The following KCNG2 variants were observed in gnomAD, a reference collection of about 807,000 sequenced individuals.
The protein encoded by KCNG2 is potassium voltage-gated channel modifier subfamily G member 2.
KCNG2 carries 7 observed loss-of-function variants against 12.3 expected under a neutral mutation model. The ratio of observed to expected loss-of-function variants is 0.57; its 90% CI spans 0.32 to 1.07. The LOEUF is 1.07. Ranked by LOEUF, KCNG2 falls within the 50% of genes least tolerant of loss-of-function variation. KCNG2 has a pLI of 0.04. For missense variants in KCNG2, 703 were observed against 726.0 expected (o/e 0.97, Z 0.36); for synonymous variants, 414 against 351.4 (o/e 1.18, Z -1.99).
intron 3 of KCNG2, among the ~76,000 whole-genome samples, chr18:79,865,134 G>A (rs1377276066): frequency 2.8e-5 from 4 of 142,218 alleles, no homozygotes; most frequent in African/African-American, 1.0e-4. Context: ...TGCTGAGAGG[G>A]CTGTCTGCTG....
Position 79,809,812 on chromosome 18 carries a change from C to G in KCNG2, c.-115+11798C>G, listed in dbSNP as rs1412722446. ...ACACTAGGAGCTGTGGTCACCTCGT[C>G]CAGAAAAAACAAGAATGTGGCCAAA... On this transcript the variant is annotated intron_variant, in intron 1 of 3. Transcript: ENST00000316249. 2.0e-5 allele frequency among the ~76,000 whole-genome samples: 3 copies of G among 152,256 alleles called. No homozygotes were observed. The East Asian group carries it at 5.8e-4, about 29-fold the overall frequency.
intron 1 of KCNG2, among the ~76,000 whole-genome samples, chr18:79,828,173 C>T (rs1360397975): frequency 2.6e-5 from 4 of 152,248 alleles, no homozygotes; most frequent in African/African-American, 9.6e-5. Context: ...GATCCGCCCA[C>T]CTCGGCCTCC....
intron 1 of KCNG2, among the ~76,000 whole-genome samples, chr18:79,842,158 C>G (rs1978479470): frequency 6.6e-6 from 1 of 152,328 alleles, no homozygotes; most frequent in South Asian, 2.1e-4. Context: ...GCCTCTGCAG[C>G]CCAGGTACCA....
chr18:79,825,897 A>C (rs570285108), intron 1 of KCNG2, among the ~76,000 whole-genome samples: 1 of 152,342 alleles, frequency 6.6e-6, no homozygotes, highest in East Asian at 1.9e-4. Context: ...AAGTTTCTTT[A>C]TGCGTCTGCC....
chr18:79,869,483 C>A (rs747712857), intron 3 of KCNG2, among the ~76,000 whole-genome samples: 1 of 152,114 alleles, frequency 6.6e-6, no homozygotes, highest in Non-Finnish European at 1.5e-5. Context: ...ACAGGGGACG[C>A]ACTGGCCCAC....
At chr18:79,820,329 G>C (rs887081006) in intron 1 of KCNG2, among the ~76,000 whole-genome samples, 1 of 152,168 alleles carries the variant, frequency 6.6e-6, no homozygotes, top group African/African-American at 2.4e-5. Flanking sequence ...TCTTAGGAGG[G>C]AAATGCTGAG....
intron 3 of KCNG2, among the ~76,000 whole-genome samples, chr18:79,873,175 G>A (rs948408113): frequency 2.0e-5 from 3 of 152,178 alleles, no homozygotes; most frequent in South Asian, 4.1e-4. Context: ...TTTGGGCCTC[G>A]GTCCCAGGCT....
At chr18:79,837,730 T>C (rs1487946008) in intron 1 of KCNG2, among the ~76,000 whole-genome samples, 1 of 152,210 alleles carries the variant, frequency 6.6e-6, no homozygotes, top group Non-Finnish European at 1.5e-5. Flanking sequence ...ATTTGACAAG[T>C]CTCTAGGATG....
At chr18:79,877,771 T>C (rs1980131934) in intron 3 of KCNG2, among the ~76,000 whole-genome samples, 1 of 152,242 alleles carries the variant, frequency 6.6e-6, no homozygotes, top group African/African-American at 2.4e-5. Context: ...TTCTGTTTAC[T>C]GTCACTAGGG....
At chr18:79,848,237 T>C (rs1978690372) in intron 1 of KCNG2, among the ~76,000 whole-genome samples, 1 of 152,210 alleles carries the variant, frequency 6.6e-6, no homozygotes, top group Admixed American at 6.5e-5. Flanking sequence ...GCCTTTTGCT[T>C]GGAAGGAAAT....
chr18:79,800,574 C>T lies in KCNG2; in HGVS notation c.-115+2560C>T, dbSNP rs186396115. The stretch of plus-strand genomic sequence containing the variant: ...GAGCCTGCCTCTGACGAGACATGTA[C>T]CCCGCCTTCCCGTGTGGGAGGCACT... On this transcript the variant is annotated intron_variant, in intron 1 of 3. Coordinates refer to ENST00000316249, the MANE Select transcript of KCNG2 (RefSeq NM_012283.2). This position sits in a 1 kb window ranked among gnomAD's most constrained non-coding sequence, Gnocchi z 4.0. Among the ~76,000 whole-genome samples, 58 of 152,352 alleles carry T rather than the reference C, an allele frequency of 3.8e-4. No individual in the cohort carries two copies. Among genetic ancestry groups the T allele is most frequent in the African/African-American group, 1.3e-3 (52 of 41,582 alleles).
chr18:79,816,859 G>T (rs1416776109), intron 1 of KCNG2, among the ~76,000 whole-genome samples: 1 of 152,236 alleles, frequency 6.6e-6, no homozygotes, highest in Non-Finnish European at 1.5e-5. Context: ...TACCGATTGT[G>T]TTACTGAGCA....
chr18:79,839,977 G>A (rs1469942374), intron 1 of KCNG2, among the ~76,000 whole-genome samples: 1 of 152,168 alleles, frequency 6.6e-6, no homozygotes, highest in Non-Finnish European at 1.5e-5. Context: ...TTCTTGACTT[G>A]ATAAAGAGTA....
Position 79,861,713 on chromosome 18 carries a change from C to T in KCNG2, c.-40-1915C>T, listed in dbSNP as rs569135557. ...GGAGGGTTTTTAAACCATATTTCTT[C>T]AAATATTCTTTCTTCCCTGTTCCCT... On this transcript the variant is annotated intron_variant, in intron 2 of 3. Transcript: ENST00000316249. Among the ~76,000 whole-genome samples the T allele has an allele frequency of 1.0e-3, 153 of 152,284 alleles. 1 individual carries two copies. Among genetic ancestry groups the T allele is most frequent in the African/African-American group, 3.4e-3 (143 of 41,572 alleles).
chr18:79,806,831 AAAT>A (rs2087453349), intron 1 of KCNG2, among the ~76,000 whole-genome samples: 2 of 152,222 alleles, frequency 1.3e-5, no homozygotes, highest in African/African-American at 4.8e-5. Context: ...ATAAAGAAGA[AAAT>A]AACATTCTTT....
At chr18:79,811,527 G>A (rs560822458) in intron 1 of KCNG2, among the ~76,000 whole-genome samples, 1 of 152,030 alleles carries the variant, frequency 6.6e-6, no homozygotes, top group Admixed American at 6.6e-5. Context: ...ACATACAAGA[G>A]AATAAATATC....
chr18:79,820,303 C>T (rs1025534642), intron 1 of KCNG2, among the ~76,000 whole-genome samples: 3 of 152,220 alleles, frequency 2.0e-5, no homozygotes, highest in South Asian at 4.1e-4. Flanking sequence ...CCTGTTTTCA[C>T]TTCCTCCAGG....
chr18:79,866,438 G>A (rs1250454508), intron 3 of KCNG2, among the ~76,000 whole-genome samples: 7 of 122,480 alleles, frequency 5.7e-5, no homozygotes, highest in East Asian at 2.8e-4. Context: ...GGTGCTGAGA[G>A]GTCTGGGTGC....
At chr18:79,844,515 T>G (rs959760779) in intron 1 of KCNG2, among the ~76,000 whole-genome samples, 1 of 152,222 alleles carries the variant, frequency 6.6e-6, no homozygotes, top group African/African-American at 2.4e-5. Flanking sequence ...TAGTGCATAC[T>G]TGAATTTTTC....
Sources: allele counts gnomAD v4.1 joint callset (sites outside exome capture counted in the v4.1 genomes callset), GRCh38; gene constraint gnomAD v4.1.1; non-coding constraint Gnocchi (gnomAD v3.1); transcripts MANE v1.5; gene names NCBI Gene and HGNC (gene_info 2026-07-23, HGNC 2026-07-21).